Variants in LRRTM4 observed in about 807,000 individuals in gnomAD.
LRRTM4 encodes the protein leucine rich repeat transmembrane neuronal 4, also known as leucine-rich repeat transmembrane neuronal protein 4.
A neutral mutation model predicts 47.6 loss-of-function variants in LRRTM4; 25 were observed. The observed-to-expected ratio is 0.53, with a 90% CI of 0.38 to 0.73. The LOEUF (loss-of-function observed/expected upper bound fraction) is 0.73, where lower values mean the gene tolerates loss of function less well. Among genes scored for constraint, LRRTM4 ranks in the 30% least tolerant of loss-of-function variants. LRRTM4 has a pLI of 0.00. For synonymous variants in LRRTM4, 311 were observed against 269.5 expected (o/e 1.15, Z -1.51); for missense variants, 638 against 713.4 (o/e 0.89, Z 1.20).
chr2:76,987,506 T>C (rs1676844723), intron 3 of LRRTM4: 1 of 151,934 alleles, frequency 6.6e-6, no homozygotes, highest in Non-Finnish European at 1.5e-5. Flanking sequence ...TGAGTTTCTA[T>C]ATATATTTTT....
At chr2:76,893,332 T>C (rs1250504675) in intron 3 of LRRTM4, among the ~76,000 whole-genome samples, 1 of 151,700 alleles carries the variant, frequency 6.6e-6, no homozygotes, top group African/African-American at 2.4e-5. Context: ...AAGGGGTGTT[T>C]TGTAAAAAGC....
Position 76,747,804 on chromosome 2 carries a change from C to T in LRRTM4, c.*891G>A, listed in dbSNP as rs1308316886. 2.0e-5 allele frequency: 3 copies of T among 152,142 alleles called. No homozygotes were observed. Among genetic ancestry groups the T allele is most frequent in the African/African-American group, 7.2e-5 (3 of 41,434 alleles). 9.4% of individuals were successfully genotyped at this position (152,142 alleles called of 1,614,324 possible). ...AATTAATTTAAAAAGCAATGTTACA[C>T]ATTATCTTGTGTTTAGAAATTTGTC... On this transcript the variant is annotated 3_prime_UTR_variant, in exon 4 of 4. Coordinates refer to ENST00000409884, the MANE Select transcript of LRRTM4 (RefSeq NM_001134745.3).
At chr2:76,750,040 C>CTGTGGTTTGGACTTTGCAAACCACATAT (rs1331119974) in intron 3 of LRRTM4, among the ~76,000 whole-genome samples, 1 of 152,164 alleles carries the variant, frequency 6.6e-6, no homozygotes, top group Non-Finnish European at 1.5e-5. Context: ...TTTGTGGTTT[C>CTGTGGTTTGGACTTTGCAAACCACATAT]CTGTTAGGCT....
chr2:77,211,691 C>A (rs546693839), intron 3 of LRRTM4, among the ~76,000 whole-genome samples: 1 of 152,172 alleles, frequency 6.6e-6, no homozygotes, highest in South Asian at 2.1e-4. Context: ...TACCCATGAT[C>A]AATTTAATGC....
intron 3 of LRRTM4, among the ~76,000 whole-genome samples, chr2:77,345,997 T>C (rs565804505): frequency 3.3e-5 from 5 of 152,038 alleles, no homozygotes; most frequent in South Asian, 4.1e-4. Flanking sequence ...CAAACTAGTA[T>C]TTTTTATAAT....
chr2:77,091,662 G>T (rs966711355), intron 3 of LRRTM4, among the ~76,000 whole-genome samples: 1 of 149,186 alleles, frequency 6.7e-6, no homozygotes, highest in Non-Finnish European at 1.5e-5. Flanking sequence ...CTTAATCCCA[G>T]CCTCTCTTCG....
At chr2:76,780,102 T>G (rs1558647510) in intron 3 of LRRTM4, among the ~76,000 whole-genome samples, 1 of 152,370 alleles carries the variant, frequency 6.6e-6, no homozygotes, top group Non-Finnish European at 1.5e-5. Context: ...CACTCTCTTC[T>G]GGCTTGCAGG....
intron 3 of LRRTM4, among the ~76,000 whole-genome samples, chr2:76,878,258 T>C (rs993999945): frequency 2.0e-4 from 31 of 152,280 alleles, no homozygotes; most frequent in African/African-American, 7.5e-4. Flanking sequence ...TATGTTCTGA[T>C]TGTTGCACTG....
intron 3 of LRRTM4, among the ~76,000 whole-genome samples, chr2:77,154,910 G>A (rs1222420746): frequency 6.6e-6 from 1 of 151,980 alleles, no homozygotes; most frequent in East Asian, 1.9e-4. Flanking sequence ...CCTTTAAAGT[G>A]GAATTAACAA....
intron 3 of LRRTM4, among the ~76,000 whole-genome samples, chr2:77,333,763 C>T (rs1189852726): frequency 6.6e-6 from 1 of 152,160 alleles, no homozygotes; most frequent in African/African-American, 2.4e-5. Flanking sequence ...TACTGAGGCA[C>T]CACCTAGGAA....
chr2:76,980,278 C>T (rs1294211870), intron 3 of LRRTM4, among the ~76,000 whole-genome samples: 1 of 152,036 alleles, frequency 6.6e-6, no homozygotes, highest in Non-Finnish European at 1.5e-5. Context: ...TGCTGAGTTC[C>T]AGATACCACT....
intron 3 of LRRTM4, among the ~76,000 whole-genome samples, chr2:76,794,405 A>G (rs1675147008): frequency 6.6e-6 from 1 of 152,196 alleles, no homozygotes; most frequent in Non-Finnish European, 1.5e-5. Context: ...ATACTGCTAT[A>G]TGACTAATCG....
intron 3 of LRRTM4, among the ~76,000 whole-genome samples, chr2:77,267,211 G>T (rs893248034): frequency 5.3e-5 from 8 of 152,086 alleles, no homozygotes; most frequent in African/African-American, 1.9e-4. Context: ...AATCCAGAAG[G>T]TCCAACATAT....
At chr2:77,071,436 T>A (rs1366897298) in intron 3 of LRRTM4, among the ~76,000 whole-genome samples, 1 of 152,158 alleles carries the variant, frequency 6.6e-6, no homozygotes, top group East Asian at 1.9e-4. Context: ...AAGATACATC[T>A]CTGGTATTTC....
At chr2:76,870,566 G>T (rs936477976) in intron 3 of LRRTM4, among the ~76,000 whole-genome samples, 1 of 152,230 alleles carries the variant, frequency 6.6e-6, no homozygotes, top group Non-Finnish European at 1.5e-5. Flanking sequence ...AGCCAGCTCT[G>T]TATAGTGTCT....
At chr2:77,479,841 T>C (rs1573471068) in intron 3 of LRRTM4, among the ~76,000 whole-genome samples, 1 of 152,274 alleles carries the variant, frequency 6.6e-6, no homozygotes, top group South Asian at 2.1e-4. Flanking sequence ...TTCAGAATGA[T>C]TGCATGCTTT....
At chr2:76,896,114 C>G (rs985514323) in intron 3 of LRRTM4, among the ~76,000 whole-genome samples, 1 of 152,086 alleles carries the variant, frequency 6.6e-6, no homozygotes, top group South Asian at 2.1e-4. Flanking sequence ...ATGAACCCTA[C>G]AAAATATTCC....
At chr2:76,845,753 TTCA>T (rs1230430892) in intron 3 of LRRTM4, among the ~76,000 whole-genome samples, 1 of 152,176 alleles carries the variant, frequency 6.6e-6, no homozygotes, top group Non-Finnish European at 1.5e-5. Flanking sequence ...GACAGTGTTC[TTCA>T]TATGAATGCT....
At chr2:76,877,936 T>C (rs2104090373) in intron 3 of LRRTM4, among the ~76,000 whole-genome samples, 1 of 152,272 alleles carries the variant, frequency 6.6e-6, no homozygotes, top group Non-Finnish European at 1.5e-5. Context: ...CACAGATGCA[T>C]ACCTCATCTT....
Sources: gnomAD v4.1 joint callset for allele counts (sites outside exome capture counted in the v4.1 genomes callset) on GRCh38, gnomAD v4.1.1 for gene constraint, MANE v1.5 for transcripts, NCBI Gene and HGNC (gene_info 2026-07-23, HGNC 2026-07-21) for gene names.